The following PMM2 variants were observed in gnomAD, a reference collection of about 807,000 sequenced individuals.
PMM2 encodes phosphomannomutase 2.
Under a neutral mutation model 33.2 loss-of-function variants are expected in PMM2, and 35 were observed. The observed-to-expected ratio is 1.06, with a 90% confidence interval of 0.81 to 1.40. The LOEUF (loss-of-function observed/expected upper bound fraction) is 1.40, where lower values mean the gene tolerates loss of function less well. PMM2 is among the 40% of genes most tolerant of loss of function. The pLI is 0.00. For missense variants in PMM2, 386 were observed against 306.0 expected (o/e 1.26, Z -1.95); for synonymous variants, 153 against 114.7 (o/e 1.33, Z -2.13).
At chr16:8,813,774 G>T (rs1019651914) in intron 7 of PMM2, among the ~76,000 whole-genome samples, 2 of 151,874 alleles carry the variant, frequency 1.3e-5, no homozygotes, top group African/African-American at 4.8e-5. Flanking sequence ...GGATCCCCAG[G>T]AGGTCAGAGA....
chr16:8,817,906 ATTTTTTTT>A (rs3034279), intron 7 of PMM2, among the ~76,000 whole-genome samples: 1 of 142,738 alleles, frequency 7.0e-6, no homozygotes, highest in South Asian at 2.2e-4. Context: ...TGCAAAGAAG[ATTTTTTTT>A]TTTTTTTGAG....
Position 8,811,214 on chromosome 16 carries a change from G to T in PMM2, c.447+36G>T, listed in dbSNP as rs373199487. On this transcript the variant is annotated intron_variant, in intron 5 of 7. Coordinates refer to ENST00000268261, the MANE Select transcript of PMM2 (RefSeq NM_000303.3). ...CTGAAATATCTTTGGTGAATGGCTGGGTTTATGGAAATAAGATATGGCCTG... is the reference window on the plus strand; with the variant it reads ...CTGAAATATCTTTGGTGAATGGCTGTGTTTATGGAAATAAGATATGGCCTG... The T allele has an allele frequency of 4.1e-5, 54 of 1,323,082 alleles. No homozygotes were observed. In the African/African-American group the frequency reaches 6.7e-4, roughly 16 times the overall value. 82.0% of individuals were successfully genotyped at this position (1,323,082 alleles called of 1,614,324 possible). A position where few individuals can be genotyped will look rare whatever the true frequency, so the allele number is the denominator to read the frequency against.
Position 8,822,421 on chromosome 16 carries a change from C to G in PMM2, c.639+9315C>G, listed in dbSNP as rs947124741. The stretch of plus-strand genomic sequence containing the variant: ...TAGTCCTACAAAGGCAGACTGGTCC[C>G]CAGGCAAGAAGGGGGTTTATTTCAG... On this transcript the variant is annotated intron_variant, in intron 7 of 7. Transcript: ENST00000268261. Among the ~76,000 whole-genome samples the G allele has an allele frequency of 1.6e-4, 24 of 152,142 alleles. 1 individual carries two copies. Among genetic ancestry groups the G allele is most frequent in the Non-Finnish European group, 4.4e-5 (3 of 68,034 alleles).
chr16:8,800,360 CAAA>C (rs5815496), intron 1 of PMM2, among the ~76,000 whole-genome samples: 50 of 128,350 alleles, frequency 3.9e-4, no homozygotes, highest in Non-Finnish European at 3.7e-4. Context: ...GACTTCGTGT[CAAA>C]AAAAAAAAAA....
intron 7 of PMM2, among the ~76,000 whole-genome samples, chr16:8,823,684 T>C (rs1008534368): frequency 1.3e-5 from 2 of 152,088 alleles, no homozygotes; most frequent in Non-Finnish European, 2.9e-5. Context: ...CATGGATTTA[T>C]CTACTATACC....
chr16:8,798,787 T>A (rs1031058039), intron 1 of PMM2, among the ~76,000 whole-genome samples: 1 of 152,166 alleles, frequency 6.6e-6, no homozygotes, highest in Admixed American at 6.5e-5. Flanking sequence ...CCATTTCAAC[T>A]TGAGACTGGA....
chr16:8,810,661 C>G (rs1207316163), intron 4 of PMM2: 6 of 302,088 alleles, frequency 2.0e-5, no homozygotes, highest in Non-Finnish European at 3.8e-5. Flanking sequence ...ACTATAACCC[C>G]TATCTCCCAG....
chr16:8,842,909 G>C (rs968977692), intron 7 of PMM2, among the ~76,000 whole-genome samples: 1 of 152,138 alleles, frequency 6.6e-6, no homozygotes, highest in Non-Finnish European at 1.5e-5. Context: ...TGTCAGGGAA[G>C]GAGTAGAAAT....
At chr16:8,846,821 G>A (rs1256354366) in intron 7 of PMM2, among the ~76,000 whole-genome samples, 1 of 152,164 alleles carries the variant, frequency 6.6e-6, no homozygotes, top group Non-Finnish European at 1.5e-5. Context: ...CTGTTCCAGA[G>A]ACCCTGCTTT....
chr16:8,832,875 T>C (rs1317045253), intron 7 of PMM2: 1 of 985,332 alleles, frequency 1.0e-6, no homozygotes, highest in Non-Finnish European at 1.2e-6. Flanking sequence ...GTCCCTCAGA[T>C]GCCAGGGTTC....
intron 7 of PMM2, among the ~76,000 whole-genome samples, chr16:8,841,691 G>A (rs1343584971): frequency 7.4e-6 from 1 of 135,178 alleles, no homozygotes; most frequent in East Asian, 2.1e-4. Context: ...AATCAAGCGT[G>A]ATCAGGGTGA....
chr16:8,838,174 A>G (rs1434227017), intron 7 of PMM2, among the ~76,000 whole-genome samples: 1 of 152,072 alleles, frequency 6.6e-6, no homozygotes, highest in Non-Finnish European at 1.5e-5. Flanking sequence ...CACAAAGTAC[A>G]TTCTCAAGAG....
At chr16:8,839,058 G>C (rs2060872179) in intron 7 of PMM2, among the ~76,000 whole-genome samples, 1 of 152,024 alleles carries the variant, frequency 6.6e-6, no homozygotes, top group South Asian at 2.1e-4. Context: ...GGAAGGTCAT[G>C]ACAGAGGTTG....
chr16:8,833,400 G>A (rs979601596), intron 7 of PMM2, among the ~76,000 whole-genome samples: 1 of 152,212 alleles, frequency 6.6e-6, no homozygotes, highest in African/African-American at 2.4e-5. Flanking sequence ...AGTTACTTCA[G>A]GCCATCTGGA....
chr16:8,800,584 A>G (rs1303209483), intron 1 of PMM2, among the ~76,000 whole-genome samples: 2 of 152,140 alleles, frequency 1.3e-5, no homozygotes, highest in Non-Finnish European at 2.9e-5. Flanking sequence ...TTTAGAAGAG[A>G]CTAAAAAATC....
intron 7 of PMM2, among the ~76,000 whole-genome samples, chr16:8,844,665 G>C (rs1006599111): frequency 4.6e-5 from 7 of 152,216 alleles, no homozygotes; most frequent in African/African-American, 1.7e-4. Context: ...AGGCGTCCTT[G>C]CAATGATTAA....
chr16:8,835,288 G>A (rs1029256187), intron 7 of PMM2, among the ~76,000 whole-genome samples: 7 of 151,800 alleles, frequency 4.6e-5, no homozygotes, highest in African/African-American at 7.3e-5. Flanking sequence ...AATCAGACAC[G>A]ATCAACAGGG....
At chr16:8,845,981 A>AC (rs2141049948) in intron 7 of PMM2, among the ~76,000 whole-genome samples, 1 of 152,296 alleles carries the variant, frequency 6.6e-6, no homozygotes, top group Admixed American at 6.5e-5. Context: ...AACTGATTTC[A>AC]CATGTGTAGG....
chr16:8,830,560 G>A (rs1187104691), intron 7 of PMM2, among the ~76,000 whole-genome samples: 1 of 152,078 alleles, frequency 6.6e-6, no homozygotes, highest in Non-Finnish European at 1.5e-5. Flanking sequence ...GTCCTTGGGT[G>A]GGATCAAAGT....
Sources: gnomAD v4.1 joint callset for allele counts (sites outside exome capture counted in the v4.1 genomes callset) on GRCh38, gnomAD v4.1.1 for gene constraint, MANE v1.5 for transcripts, NCBI Gene and HGNC (gene_info 2026-07-23, HGNC 2026-07-21) for gene names.